FEZ1: variants seen among roughly 807,000 people sequenced by gnomAD.
FEZ1 encodes fasciculation and elongation protein zeta 1, also known as fasciculation and elongation protein zeta-1.
A neutral mutation model predicts 49.3 loss-of-function variants in FEZ1; 20 were observed. That is an observed-to-expected ratio of 0.41 (90% CI 0.29 to 0.59). FEZ1 has a LOEUF of 0.59. FEZ1 is among the 20% of genes least tolerant of loss of function. The probability of loss-of-function intolerance (pLI) is 0.36; values close to 1 mark genes in which losing one functional copy is unlikely to be tolerated. For missense variants in FEZ1, 413 were observed against 476.0 expected (o/e 0.87, Z 1.23); for synonymous variants, 170 against 180.9 (o/e 0.94, Z 0.48).
At position 125,467,958 on chromosome 11, in the gene FEZ1, AG is replaced by A. The variant is rs1446260376; in HGVS notation, c.412-4389del. On this transcript the variant is annotated intron_variant, in intron 3 of 9. Transcript: ENST00000278919. ...AAAAGGAGACTGTGTTTTACATCAC[AG>A]GAATAGAATAGATTGATGAATCGAA... is the stretch of plus-strand genomic sequence containing the variant. 2.0e-5 allele frequency among the ~76,000 whole-genome samples: 3 copies of A among 152,232 alleles called. No individual in the cohort carries two copies. The East Asian group carries it at 5.8e-4, about 29-fold the overall frequency.
chr11:125,489,681 A>G lies in FEZ1; in HGVS notation c.97T>C (p.Ser33Pro). ...GGGTCCTCGAGATGGTGGGGAGATG[A>G]ACCATAGAAACACTGGGGCTTCTCC... ...PEEKPQCFYG[S>P]SPHHLEDPSL... Residue 33 changes from serine (S) to proline (P), a missense_variant, in exon 2 of 10, where the codon TCA becomes CCA. Transcript: ENST00000278919. This position sits in a 1 kb window ranked among gnomAD's most constrained non-coding sequence, Gnocchi z 4.2. 6.2e-7 allele frequency: 1 copy of G among 1,613,878 alleles called. No homozygotes were observed. Among genetic ancestry groups the G allele is most frequent in the Non-Finnish European group, 8.5e-7 (1 of 1,179,886 alleles).
At chr11:125,482,823 G>A (rs1228297580) in intron 2 of FEZ1, among the ~76,000 whole-genome samples, 2 of 151,560 alleles carry the variant, frequency 1.3e-5, no homozygotes, top group African/African-American at 2.4e-5. Flanking sequence ...AATTAACCAG[G>A]CATGGTAGCA....
chr11:125,457,420 A>AG (rs1957021988), intron 5 of FEZ1, among the ~76,000 whole-genome samples: 1 of 52,538 alleles, frequency 1.9e-5, no homozygotes, highest in African/African-American at 7.5e-5. Flanking sequence ...AAAAAAAAAA[A>AG]AAAAAAAAAA....
chr11:125,457,806 A>T (rs1341992664), intron 5 of FEZ1, among the ~76,000 whole-genome samples: 1 of 152,020 alleles, frequency 6.6e-6, no homozygotes, highest in Non-Finnish European at 1.5e-5. Context: ...GTTATTTTCA[A>T]ATGTACAGCG....
At chr11:125,491,877 G>T (rs1957386074) in intron 1 of FEZ1, among the ~76,000 whole-genome samples, 1 of 152,212 alleles carries the variant, frequency 6.6e-6, no homozygotes, top group African/African-American at 2.4e-5. Flanking sequence ...ATCTTGGAAA[G>T]AAGACAGGCT....
chr11:125,467,989 C>T (rs1591591349), intron 3 of FEZ1, among the ~76,000 whole-genome samples: 1 of 152,182 alleles, frequency 6.6e-6, no homozygotes, highest in East Asian at 1.9e-4. Flanking sequence ...ATCGAAAGCC[C>T]CAGTAAAAGT....
Position 125,481,569 on chromosome 11 carries a change from T to A in FEZ1, c.376A>T (p.Ile126Phe). ...GAGCAGTTGCCATTCAGAGCCTCGA[T>A]GTTTGGATCCCTCCAGTCTTCTGAG... Reference protein sequence around the residue: ...SLSEDWRDPNIEALNGNCSDT... With the variant: ...SLSEDWRDPNFEALNGNCSDT... Residue 126 changes from isoleucine (I) to phenylalanine (F), a missense_variant, in exon 3 of 10, where the codon ATC becomes TTC. Ile to Phe is a conservative substitution (Grantham distance 21, BLOSUM62 0). Coordinates refer to ENST00000278919, the MANE Select transcript of FEZ1 (RefSeq NM_005103.5). 6.2e-7 allele frequency: 1 copy of A among 1,613,404 alleles called. No homozygotes were observed. Among genetic ancestry groups the A allele is most frequent in the South Asian group, 1.1e-5 (1 of 91,060 alleles).
At chr11:125,449,848 A>T (rs968943633) in intron 8 of FEZ1, among the ~76,000 whole-genome samples, 5 of 152,188 alleles carry the variant, frequency 3.3e-5, no homozygotes, top group Non-Finnish European at 5.9e-5. Flanking sequence ...TGAATCCAAG[A>T]ATTAGGAGTG....
intron 5 of FEZ1, among the ~76,000 whole-genome samples, chr11:125,457,674 G>A (rs537319531): frequency 1.3e-5 from 2 of 151,640 alleles, no homozygotes; most frequent in South Asian, 2.1e-4. Context: ...TGTGTTTATG[G>A]AGCACATGAG....
intron 3 of FEZ1, among the ~76,000 whole-genome samples, chr11:125,469,852 G>A (rs621484): frequency 0.52 from 78,295 of 151,124 alleles, 20,446 homozygotes; most frequent in African/African-American, 0.59. Context: ...AGTTGGGACT[G>A]CAAGTGCACT....
At chr11:125,448,304 G>A (rs1232817840) in intron 9 of FEZ1, among the ~76,000 whole-genome samples, 198 bp downstream of exon 9, 1 of 152,144 alleles carries the variant, frequency 6.6e-6, no homozygotes, top group Admixed American at 6.5e-5. Context: ...GGTGACTCGG[G>A]GGTGATGGAA....
At chr11:125,459,149 A>G (rs1957048219) in intron 5 of FEZ1, among the ~76,000 whole-genome samples, 1 of 152,062 alleles carries the variant, frequency 6.6e-6, no homozygotes, top group African/African-American at 2.4e-5. Flanking sequence ...CTCCCTTCCG[A>G]CTCCAAATTG....
intron 3 of FEZ1, among the ~76,000 whole-genome samples, chr11:125,479,749 A>C (rs1957263260): frequency 2.6e-5 from 4 of 152,310 alleles, no homozygotes; most frequent in Middle Eastern, 3.4e-3. Flanking sequence ...GCAGGTCCTC[A>C]CCAGATATTG....
At chr11:125,449,441 A>AAAAAAAAAAAAAGAAG (rs796507357) in intron 8 of FEZ1, among the ~76,000 whole-genome samples, 1 of 128,146 alleles carries the variant, frequency 7.8e-6, no homozygotes, top group African/African-American at 2.8e-5. Context: ...AAAAAAAAAA[A>AAAAAAAAAAAAAGAAG]AAGAAGAAGA....
chr11:125,460,318 T>C (rs544729802), intron 5 of FEZ1, 180 bp downstream of exon 5: 32 of 498,070 alleles, frequency 6.4e-5, no homozygotes, highest in African/African-American at 6.2e-4. Context: ...TGTTCTTTTC[T>C]CAAAAATGCA....
chr11:125,454,108 G>A lies in FEZ1; in HGVS notation c.1020+22C>T, dbSNP rs1956984371. ...CTGCAGGAGTCTAGGAAGAGAGCTT[G>A]GAGCAGGGAGACTACGCGTACCTGT... On this transcript the variant is annotated intron_variant, in intron 7 of 9. Coordinates refer to ENST00000278919, the MANE Select transcript of FEZ1 (RefSeq NM_005103.5). The A allele has an allele frequency of 1.3e-5, 20 of 1,584,674 alleles. No homozygotes were observed. In the East Asian group the frequency reaches 4.5e-4, roughly 36 times the overall value.
At chr11:125,459,884 G>A (rs1197563254) in intron 5 of FEZ1, among the ~76,000 whole-genome samples, 1 of 152,176 alleles carries the variant, frequency 6.6e-6, no homozygotes, top group Non-Finnish European at 1.5e-5. Flanking sequence ...ATCACTTGAG[G>A]CCAGGAGTTT....
At position 125,446,072 on chromosome 11, in the gene FEZ1, C is replaced by T. The variant is rs775326083; in HGVS notation, c.*23G>A. 14 of 1,612,498 alleles carry T rather than the reference C, an allele frequency of 8.7e-6. No homozygotes were observed. In the Admixed American group the frequency reaches 1.0e-4, roughly 12 times the overall value. On this transcript the variant is annotated 3_prime_UTR_variant, in exon 10 of 10. Transcript: ENST00000278919. The stretch of plus-strand genomic sequence containing the variant: ...ACTCTTGCTCAGTGACCTCCTGCAG[C>T]GAGGCTGCTCCAAAGGGCAAGGTTA...
At chr11:125,492,135 A>T (rs11220094) in intron 1 of FEZ1, among the ~76,000 whole-genome samples, 1,833 of 152,310 alleles carry the variant, frequency 0.012, 34 homozygotes, top group African/African-American at 0.033. Context: ...TTCTTTTTTT[A>T]TACTAAGCCC....
Sources: gnomAD v4.1 joint callset for allele counts (sites outside exome capture counted in the v4.1 genomes callset) on GRCh38, gnomAD v4.1.1 for gene constraint, Gnocchi (gnomAD v3.1) non-coding constraint, MANE v1.5 for transcripts, NCBI Gene and HGNC (gene_info 2026-07-23, HGNC 2026-07-21) for gene names.